The following LYPD6B variants were observed in gnomAD, a reference collection of about 807,000 sequenced individuals.
LYPD6B encodes the protein LY6/PLAUR domain containing 6B.
In LYPD6B, 17 loss-of-function variants were observed where a neutral mutation model predicts 22.8. The observed-to-expected ratio is 0.75, with a 90% CI of 0.51 to 1.12. LYPD6B has a LOEUF of 1.12. LYPD6B is among the 50% of genes most tolerant of loss of function. The pLI is 0.00. For missense variants in LYPD6B, 221 were observed against 258.3 expected (o/e 0.86, Z 0.99); for synonymous variants, 106 against 91.6 (o/e 1.16, Z -0.90).
intron 1 of LYPD6B, among the ~76,000 whole-genome samples, chr2:149,114,826 A>G (rs952224813): frequency 4.6e-5 from 7 of 152,234 alleles, no homozygotes; most frequent in Non-Finnish European, 8.8e-5. Flanking sequence ...TTTTAGATAT[A>G]CCATAATGAC....
rs1689065335 is a variant in LYPD6B, at chr2:149,146,959, G to T, written c.6-13805G>T. Among the ~76,000 whole-genome samples the T allele has an allele frequency of 2.6e-5, 4 of 152,338 alleles. No individual in the cohort carries two copies. The South Asian group carries it at 8.3e-4, about 32-fold the overall frequency. ...GTGCACACATGGAAAGTCTAGAATTGAATCACGAATACGGGTGCCCTCCTG... is the reference window on the plus strand; with the variant it reads ...GTGCACACATGGAAAGTCTAGAATTTAATCACGAATACGGGTGCCCTCCTG... On this transcript the variant is annotated intron_variant, in intron 2 of 6. Coordinates refer to ENST00000409642, the MANE Select transcript of LYPD6B (RefSeq NM_177964.5).
At chr2:149,146,273 TGA>T (rs1689017749) in intron 2 of LYPD6B, among the ~76,000 whole-genome samples, 1 of 151,912 alleles carries the variant, frequency 6.6e-6, no homozygotes, top group African/African-American at 2.4e-5. Flanking sequence ...TTAATCATGG[TGA>T]GAGAGGCCAG....
chr2:149,066,679 G>T (rs1056570684), intron 1 of LYPD6B, among the ~76,000 whole-genome samples: 2 of 151,920 alleles, frequency 1.3e-5, no homozygotes, highest in African/African-American at 4.8e-5. Context: ...AGCAACTGTT[G>T]TGTATATGGC....
chr2:149,175,606 G>A (rs1044826485), intron 3 of LYPD6B, among the ~76,000 whole-genome samples: 2 of 151,642 alleles, frequency 1.3e-5, no homozygotes, highest in African/African-American at 4.8e-5. Flanking sequence ...CTTTTTCACA[G>A]TTAAGTAATA....
At chr2:149,160,698 A>G (rs1689997724) in intron 2 of LYPD6B, 66 bp from the exon 3 acceptor site, 3 of 1,127,680 alleles carry the variant, frequency 2.7e-6, no homozygotes, top group South Asian at 1.3e-5. Flanking sequence ...AAAACATTCC[A>G]GTTGTTCAAG....
chr2:149,117,780 C>T (rs1687078193), intron 1 of LYPD6B, among the ~76,000 whole-genome samples: 1 of 152,124 alleles, frequency 6.6e-6, no homozygotes, highest in South Asian at 2.1e-4. Flanking sequence ...TCATCTATTG[C>T]TATGTAACAA....
chr2:149,169,086 T>C (rs994456591), intron 3 of LYPD6B, among the ~76,000 whole-genome samples: 1 of 152,148 alleles, frequency 6.6e-6, no homozygotes, highest in East Asian at 1.9e-4. Context: ...TAATGCACTA[T>C]GGAAATGGTA....
chr2:149,175,051 C>G (rs371969856), intron 3 of LYPD6B, among the ~76,000 whole-genome samples: 24,795 of 133,584 alleles, frequency 0.19, 2,594 homozygotes, highest in Non-Finnish European at 0.25. Context: ...CTCTCTCTCT[C>G]TCTCTCTCTC....
chr2:149,060,212 A>G lies in LYPD6B; in HGVS notation c.-67+21411A>G, dbSNP rs376598556. Among the ~76,000 whole-genome samples the G allele has an allele frequency of 5.3e-5, 8 of 152,312 alleles. No individual in the cohort carries two copies. The East Asian group carries it at 7.7e-4, about 15-fold the overall frequency. On this transcript the variant is annotated intron_variant, in intron 1 of 6. Coordinates refer to ENST00000409642, the MANE Select transcript of LYPD6B (RefSeq NM_177964.5). ...TGCAAGGCCATTTAGCACAGAAGTTACAAGCAACAGCTCCAGGTCCAGGTG... is the reference window on the plus strand; with the variant it reads ...TGCAAGGCCATTTAGCACAGAAGTTGCAAGCAACAGCTCCAGGTCCAGGTG...
chr2:149,062,860 CTTTTTTTT>C (rs5835285), intron 1 of LYPD6B, among the ~76,000 whole-genome samples: 4 of 93,560 alleles, frequency 4.3e-5, no homozygotes, highest in African/African-American at 1.6e-4. Flanking sequence ...GATACATGTT[CTTTTTTTT>C]TTTTTTTTTT....
chr2:149,167,868 C>T (rs1690534334), intron 3 of LYPD6B, among the ~76,000 whole-genome samples: 1 of 151,982 alleles, frequency 6.6e-6, no homozygotes, highest in South Asian at 2.1e-4. Context: ...GATTGCTTAA[C>T]AATAATAAAC....
intron 6 of LYPD6B, 59 bp downstream of exon 6, chr2:149,213,181 G>A: frequency 6.3e-7 from 1 of 1,592,632 alleles, no homozygotes; most frequent in East Asian, 2.2e-5. Flanking sequence ...GTAAGTCGTA[G>A]ATCAAAGGAG....
At chr2:149,167,508 G>T (rs577547669) in intron 3 of LYPD6B, among the ~76,000 whole-genome samples, 1 of 152,278 alleles carries the variant, frequency 6.6e-6, no homozygotes, top group Admixed American at 6.5e-5. Flanking sequence ...TGGTGCCCAG[G>T]AGAAGGATGT....
intron 3 of LYPD6B, among the ~76,000 whole-genome samples, chr2:149,180,259 C>T (rs562441027): frequency 1.1e-3 from 164 of 152,262 alleles, no homozygotes; most frequent in Non-Finnish European, 1.5e-3. Flanking sequence ...TTTTTTCTCC[C>T]TAAACTTCCT....
intron 1 of LYPD6B, among the ~76,000 whole-genome samples, chr2:149,056,042 G>C (rs1683772017): frequency 6.6e-6 from 1 of 152,196 alleles, no homozygotes; most frequent in Non-Finnish European, 1.5e-5. Context: ...GGTACGGGCT[G>C]ATTTCTCCTA....
At chr2:149,193,602 A>C (rs942120596) in intron 3 of LYPD6B, among the ~76,000 whole-genome samples, 1 of 152,166 alleles carries the variant, frequency 6.6e-6, no homozygotes, top group Non-Finnish European at 1.5e-5. Flanking sequence ...CCCTGGACAC[A>C]AGAGGCTCCT....
intron 3 of LYPD6B, among the ~76,000 whole-genome samples, chr2:149,197,221 A>G (rs1467130292): frequency 6.6e-6 from 1 of 152,210 alleles, no homozygotes; most frequent in Non-Finnish European, 1.5e-5. Context: ...GCTTTTTTAA[A>G]GAAATGGTCA....
Position 149,073,883 on chromosome 2 carries a change from G to A in LYPD6B, c.-67+35082G>A, listed in dbSNP as rs1279031736. Among the ~76,000 whole-genome samples the A allele has an allele frequency of 3.3e-5, 5 of 151,952 alleles. No homozygotes were observed. The South Asian group carries it at 8.3e-4, about 25-fold the overall frequency. The stretch of plus-strand genomic sequence containing the variant: ...GAGGGAGAGGACAGCAACCTCGGGT[G>A]AGGGCGTGGAGACCCAGACCAGGGT... On this transcript the variant is annotated intron_variant, in intron 1 of 6. Transcript: ENST00000409642.
At chr2:149,121,302 G>A (rs886199668) in intron 1 of LYPD6B, among the ~76,000 whole-genome samples, 2 of 152,158 alleles carry the variant, frequency 1.3e-5, no homozygotes, top group Non-Finnish European at 2.9e-5. Context: ...GATTTAGAGG[G>A]TCCAGTTCGC....
Sources: allele counts gnomAD v4.1 joint callset (sites outside exome capture counted in the v4.1 genomes callset), GRCh38; gene constraint gnomAD v4.1.1; transcripts MANE v1.5; gene names NCBI Gene and HGNC (gene_info 2026-07-23, HGNC 2026-07-21).